The following GON4L variants were observed in gnomAD, a reference collection of about 807,000 sequenced individuals.
GON4L encodes GON-4-like protein.
A neutral mutation model predicts 211.8 loss-of-function variants in GON4L; 87 were observed. The observed-to-expected ratio is 0.41, with a 90% CI of 0.35 to 0.49. The LOEUF (loss-of-function observed/expected upper bound fraction) is 0.49, where lower values mean the gene tolerates loss of function less well. Among genes scored for constraint, GON4L ranks in the 20% least tolerant of loss-of-function variants. The pLI, the probability that GON4L is intolerant of heterozygous loss-of-function variation, is 0.15. For missense variants in GON4L, 2,155 were observed against 2,659.5 expected, an observed-to-expected ratio of 0.81 and a Z score of 4.17; for synonymous variants, 875 against 962.6, an observed-to-expected ratio of 0.91 and a Z score of 1.68.
intron 5 of GON4L, 52 bp from the exon 6 acceptor site, chr1:155,820,708 G>T: frequency 7.4e-7 from 1 of 1,358,688 alleles, no homozygotes; most frequent in Non-Finnish European, 1.1e-6. Context: ...ACAGCTCAGT[G>T]AGGTGGCTCA....
intron 2 of GON4L, among the ~76,000 whole-genome samples, chr1:155,838,988 C>T (rs553606866): frequency 5.3e-5 from 8 of 151,940 alleles, no homozygotes; most frequent in Admixed American, 4.6e-4. Flanking sequence ...GAATGGTTCT[C>T]ATCTATAAAA....
At chr1:155,783,058 C>T (rs556948285) in intron 14 of GON4L, among the ~76,000 whole-genome samples, 1 of 152,268 alleles carries the variant, frequency 6.6e-6, no homozygotes, top group Admixed American at 6.5e-5. Flanking sequence ...ATGAATGGTT[C>T]CATTCTGCTA....
At position 155,751,961 on chromosome 1, in the gene GON4L, T is replaced by C. The variant is rs1412508583; in HGVS notation, c.6472A>G (p.Arg2158Gly). Residue 2158 changes from arginine (R) to glycine (G), a missense_variant and splice_region_variant, in exon 30 of 32, where the codon AGG (arginine) becomes GGG (glycine). Physicochemically the swap from Arg to Gly is moderately radical, Grantham distance 125 (BLOSUM62 -2). Coordinates refer to ENST00000368331, the MANE Select transcript of GON4L (RefSeq NM_001282860.2). ...CACACGTCATCCACCCTTACCTACC[T>C]TGTCCACAGGACAACCTTTTCCCCA... ...STGEKVVLWT[R>G]EADRVILTMC... The C allele has an allele frequency of 6.2e-7, 1 of 1,612,114 alleles. No individual in the cohort carries two copies. The highest frequency in any genetic ancestry group is 8.5e-7 in the Non-Finnish European group (1 of 1,178,346).
chr1:155,767,144 C>CT (rs1662599290), intron 20 of GON4L: 1 of 727,012 alleles, frequency 1.4e-6, no homozygotes, highest in African/African-American at 1.8e-5. Context: ...CAAGAAGGGT[C>CT]TCTCTGCATA....
At chr1:155,749,243 ACT>A (rs772487860), downstream of GON4L, 144 of 1,545,022 alleles carry the variant, frequency 9.3e-5, no homozygotes, top group Middle Eastern at 1.8e-4. Context: ...CAAGAGCAAA[ACT>A]CTGTCTCAAA....
intron 2 of GON4L, among the ~76,000 whole-genome samples, chr1:155,844,533 G>A (rs1306078201): frequency 3.9e-5 from 6 of 152,062 alleles, no homozygotes; most frequent in Non-Finnish European, 8.8e-5. Context: ...AAAGTGGGAG[G>A]ATCACTTGAG....
chr1:155,830,328 A>T (rs1282647418), intron 2 of GON4L, among the ~76,000 whole-genome samples: 1 of 151,222 alleles, frequency 6.6e-6, no homozygotes, highest in African/African-American at 2.4e-5. Flanking sequence ...CCTAAGCTGG[A>T]GTGCAATGGC....
rs566189077 is a variant in GON4L at position 155,834,696 on chromosome 1, A to G, written c.506-7668T>C. ...CTGCATGCTAAAAGAACCTCCTACC[A>G]GCACCATGACAGTTTACAAATGCCA... On this transcript the variant is annotated intron_variant, in intron 2 of 31. Transcript: ENST00000368331. 1.8e-4 allele frequency among the ~76,000 whole-genome samples: 28 copies of G among 152,280 alleles called. No individual in the cohort carries two copies. The East Asian group carries it at 4.4e-3, about 24-fold the overall frequency.
At position 155,814,447 on chromosome 1, in the gene GON4L, G is replaced by A. The variant is rs755976885; in HGVS notation, c.1164C>T (p.Ser388=). 3.1e-6 allele frequency: 5 copies of A among 1,613,548 alleles called. No individual in the cohort carries two copies. The South Asian group carries it at 4.4e-5, about 14-fold the overall frequency. The stretch of plus-strand genomic sequence containing the variant: ...TGCTTTCAACATCACTTTCCAATAA[G>A]CTCTACAAAATAAATCCAGTTCGCC... The part of the protein sequence containing the change: ...DEEEDETAEE[S]LLESDVESTA... Residue 388 remains serine, a splice_region_variant and synonymous_variant, in exon 9 of 32, where the codon AGC becomes AGT. Coordinates refer to ENST00000368331, the MANE Select transcript of GON4L (RefSeq NM_001282860.2).
chr1:155,838,824 A>C (rs796127306), intron 2 of GON4L, among the ~76,000 whole-genome samples: 1 of 151,076 alleles, frequency 6.6e-6, no homozygotes, highest in Non-Finnish European at 1.5e-5. Context: ...AGGTAAATAT[A>C]ATGAGATAAA....
intron 9 of GON4L, 31 bp downstream of exon 9, chr1:155,814,299 C>G: frequency 1.9e-6 from 3 of 1,594,160 alleles, no homozygotes; most frequent in Non-Finnish European, 2.6e-6. Flanking sequence ...ACAGTTATGT[C>G]TAACATCTCT....
chr1:155,849,321 G>A (rs1187520153), intron 2 of GON4L, among the ~76,000 whole-genome samples: 1 of 151,998 alleles, frequency 6.6e-6, no homozygotes, highest in Non-Finnish European at 1.5e-5. Context: ...GAGGCAGGCA[G>A]ATCACGACGT....
downstream of GON4L, chr1:155,747,922 A>G (rs781019037): frequency 1.5e-5 from 23 of 1,557,828 alleles, 1 homozygote; most frequent in South Asian, 2.1e-4. Context: ...AGGAGTAAAC[A>G]TTCGAATCCC....
intron 11 of GON4L, among the ~76,000 whole-genome samples, 165 bp downstream of exon 11, chr1:155,804,784 A>G (rs77957644): frequency 6.9e-6 from 1 of 145,008 alleles, no homozygotes; most frequent in African/African-American, 2.5e-5. Context: ...CTGTCTCAGG[A>G]AAAAAAAAAA....
intron 1 of GON4L, among the ~76,000 whole-genome samples, chr1:155,854,060 C>T (rs750008115): frequency 4.4e-4 from 67 of 152,218 alleles, no homozygotes; most frequent in Non-Finnish European, 2.1e-4. Flanking sequence ...GTACCCTCAA[C>T]AGTAAAAAAT....
At position 155,773,126 on chromosome 1, in the gene GON4L, A is replaced by G. The variant is rs1260537416; in HGVS notation, c.2435T>C (p.Val812Ala). The G allele has an allele frequency of 6.2e-7, 1 of 1,613,512 alleles. No individual in the cohort carries two copies. Among genetic ancestry groups the G allele is most frequent in the Admixed American group, 1.7e-5 (1 of 60,008 alleles). The change falls in exon 18 of 32, where the codon GTG (valine) becomes GCG (alanine). Residue 812 changes from valine (V) to alanine (A), a missense_variant. By Grantham distance (64) the Val-to-Ala change is moderately conservative. Around this residue, in one of 6 missense-constraint regions of GON4L, gnomAD observed 551 missense variants for 854.0 expected, o/e 0.65. Transcript: ENST00000368331. ...GGGATTCTTTGCCTTCAGGGAACAC[A>G]CTGGAAGTAACTCTGGATACATGAA... ...KVFMYPELLP[V>A]CSLKAKNPQD...
intron 12 of GON4L, among the ~76,000 whole-genome samples, chr1:155,787,455 C>T (rs1665075156): frequency 6.6e-6 from 1 of 152,108 alleles, no homozygotes; most frequent in Non-Finnish European, 1.5e-5. Context: ...TCTATAAAGG[C>T]CCTTCTTAAG....
At chr1:155,858,269 TAAAA>T (rs1331244960), upstream of GON4L, among the ~76,000 whole-genome samples, 1 of 152,102 alleles carries the variant, frequency 6.6e-6, no homozygotes, top group Non-Finnish European at 1.5e-5. Context: ...AAAAAAATAA[TAAAA>T]AACAGAATGT....
At chr1:155,802,812 C>T (rs1008510658) in intron 11 of GON4L, among the ~76,000 whole-genome samples, 6 of 152,160 alleles carry the variant, frequency 3.9e-5, no homozygotes, top group Admixed American at 2.0e-4. Flanking sequence ...AAAAATTGGC[C>T]GGGCATGATG....
Sources: gnomAD v4.1 joint callset for allele counts (sites outside exome capture counted in the v4.1 genomes callset) on GRCh38, gnomAD v4.1.1 for gene constraint, gnomAD v4.1.1 regional missense constraint, MANE v1.5 for transcripts, NCBI Gene and HGNC (gene_info 2026-07-23, HGNC 2026-07-21) for gene names.